Variants in MARCHF1 observed in about 807,000 individuals in gnomAD.
The protein encoded by MARCHF1 is E3 ubiquitin-protein ligase MARCHF1.
Under a neutral mutation model 54.2 loss-of-function variants are expected in MARCHF1, and 40 were observed. The ratio of observed to expected loss-of-function variants is 0.74; its 90% confidence interval spans 0.57 to 0.96. The LOEUF is 0.96. Ranked by LOEUF, MARCHF1 falls within the 40% of genes least tolerant of loss-of-function variation. The pLI is 0.00. For synonymous variants in MARCHF1, 236 were observed against 236.3 expected, an observed-to-expected ratio of 1.00 and a Z score of 0.01; for missense variants, 586 against 656.5, an observed-to-expected ratio of 0.89 and a Z score of 1.17.
intron 2 of MARCHF1, among the ~76,000 whole-genome samples, chr4:164,050,310 C>T (rs1754337016): frequency 7.5e-6 from 1 of 132,662 alleles, no homozygotes; most frequent in South Asian, 2.4e-4. Flanking sequence ...AAAAAAGGCC[C>T]TAGCTTTTAT....
chr4:164,197,431 T>C (rs1192354097), intron 1 of MARCHF1: 8 of 1,613,556 alleles, frequency 5.0e-6, no homozygotes, highest in Admixed American at 1.7e-5. Flanking sequence ...TTTAATTTTG[T>C]TGCCACTTAA....
intron 7 of MARCHF1, among the ~76,000 whole-genome samples, chr4:163,604,529 T>A (rs985482981): frequency 2.0e-5 from 3 of 152,172 alleles, no homozygotes; most frequent in Non-Finnish European, 4.4e-5. Context: ...TCTAATTGAT[T>A]TACTTTGTCT....
intron 3 of MARCHF1, among the ~76,000 whole-genome samples, chr4:163,914,561 G>A (rs1454805136): frequency 6.6e-6 from 1 of 151,414 alleles, no homozygotes; most frequent in Non-Finnish European, 1.5e-5. Flanking sequence ...CACAATAAAA[G>A]TAAAAGTGAT....
intron 7 of MARCHF1, 151 bp from the exon 8 acceptor site, chr4:163,586,080 C>T (rs897856254): frequency 3.1e-6 from 2 of 636,006 alleles, no homozygotes; most frequent in South Asian, 5.2e-5. Context: ...ATGCTAGAAC[C>T]AAATCTATGA....
intron 1 of MARCHF1, among the ~76,000 whole-genome samples, chr4:164,120,893 T>C (rs1305397351): frequency 6.6e-6 from 1 of 151,940 alleles, no homozygotes; most frequent in East Asian, 1.9e-4. Flanking sequence ...AAAAAAACTT[T>C]AAATAATCTA....
chr4:164,209,360 T>A (rs1218393700), intron 1 of MARCHF1, among the ~76,000 whole-genome samples: 1 of 152,184 alleles, frequency 6.6e-6, no homozygotes, highest in Non-Finnish European at 1.5e-5. Context: ...GGGAGGAGCA[T>A]GAGCTTCATC....
chr4:163,610,598 T>A (rs961684051), intron 7 of MARCHF1, among the ~76,000 whole-genome samples: 1 of 152,110 alleles, frequency 6.6e-6, no homozygotes, highest in Non-Finnish European at 1.5e-5. Context: ...AACAGATGGT[T>A]GCAAGTGGGA....
intron 5 of MARCHF1, chr4:163,613,742 A>T (rs1246531097): frequency 3.2e-6 from 1 of 312,742 alleles, no homozygotes; most frequent in Non-Finnish European, 4.6e-6. Context: ...TGATACATGG[A>T]CTAAAGCACT....
intron 4 of MARCHF1, among the ~76,000 whole-genome samples, chr4:163,705,232 C>A (rs1253779358): frequency 2.0e-5 from 3 of 151,424 alleles, no homozygotes; most frequent in Non-Finnish European, 4.4e-5. Context: ...ATTACGTATA[C>A]TATTATTGTC....
rs1730697322 is a variant in MARCHF1, at chr4:164,176,974, CTCTCT to C, written c.-322-65317_-322-65313del. On this transcript the variant is annotated intron_variant, in intron 1 of 9. Transcript: ENST00000514618. ...TCTCTCTCTCTCTCTCTCTCTCTCT[CTCTCT>C]CTATATATATATATATATATATATA... is the stretch of plus-strand genomic sequence containing the variant. 7.0e-4 allele frequency among the ~76,000 whole-genome samples: 21 copies of C among 29,974 alleles called. 2 individuals are homozygous for C. The highest frequency in any genetic ancestry group is 2.4e-3 in the African/African-American group (19 of 7,838). 19.7% of individuals were successfully genotyped at this position (29,974 alleles called of 152,430 possible).
intron 1 of MARCHF1, among the ~76,000 whole-genome samples, chr4:164,296,127 T>C (rs1734404327): frequency 6.6e-6 from 1 of 152,202 alleles, no homozygotes; most frequent in African/African-American, 2.4e-5. Context: ...AAAAAAAATT[T>C]ACCTTAACTT....
At position 163,913,709 on chromosome 4, in the gene MARCHF1, C is replaced by T. The variant is rs1042372282; in HGVS notation, c.-38-59540G>A. Among the ~76,000 whole-genome samples the T allele has an allele frequency of 6.6e-5, 10 of 152,206 alleles. 1 individual carries two copies. Among genetic ancestry groups the T allele is most frequent in the Admixed American group, 5.9e-4 (9 of 15,262 alleles). On this transcript the variant is annotated intron_variant, in intron 3 of 9. Transcript: ENST00000514618. ...GGATAGCCACTCTTGTTATCAAACA[C>T]ATGAAGCTGGCAAAACCCCAATCCT...
intron 1 of MARCHF1, among the ~76,000 whole-genome samples, chr4:164,177,948 A>G (rs1730734232): frequency 6.6e-6 from 1 of 152,128 alleles, no homozygotes; most frequent in South Asian, 2.1e-4. Flanking sequence ...CAGTAATTCC[A>G]CCATCATGAA....
chr4:164,241,327 A>T (rs1732740332), intron 1 of MARCHF1, among the ~76,000 whole-genome samples: 1 of 152,174 alleles, frequency 6.6e-6, no homozygotes, highest in African/African-American at 2.4e-5. Context: ...CCTTCCACTC[A>T]GCTGCCCTGC....
At chr4:164,203,516 T>C (rs1262974254) in intron 1 of MARCHF1, among the ~76,000 whole-genome samples, 1 of 152,128 alleles carries the variant, frequency 6.6e-6, no homozygotes, top group Non-Finnish European at 1.5e-5. Flanking sequence ...ATTGCAGTCT[T>C]GAAATGATTG....
intron 8 of MARCHF1, among the ~76,000 whole-genome samples, chr4:163,578,797 T>C (rs1213875893): frequency 6.6e-6 from 1 of 152,126 alleles, no homozygotes; most frequent in African/African-American, 2.4e-5. Flanking sequence ...GACTATATGC[T>C]CCCCAAGGGT....
At chr4:164,022,739 T>A (rs1344104322) in intron 2 of MARCHF1, among the ~76,000 whole-genome samples, 1 of 152,168 alleles carries the variant, frequency 6.6e-6, no homozygotes, top group Non-Finnish European at 1.5e-5. Flanking sequence ...CGTCCAAGTA[T>A]CTCTAGTCCC....
At chr4:164,346,970 C>T (rs1259234482) in intron 1 of MARCHF1, among the ~76,000 whole-genome samples, 1 of 151,898 alleles carries the variant, frequency 6.6e-6, no homozygotes, top group Non-Finnish European at 1.5e-5. Context: ...TTTTAAGACT[C>T]ATATTTCCAG....
chr4:164,118,616 ATC>A (rs2110762077), intron 1 of MARCHF1, among the ~76,000 whole-genome samples: 1 of 151,784 alleles, frequency 6.6e-6, no homozygotes, highest in African/African-American at 2.4e-5. Flanking sequence ...AGTTTAATAT[ATC>A]TTTTTTCACA....
Sources: gnomAD v4.1 joint callset for allele counts (sites outside exome capture counted in the v4.1 genomes callset) on GRCh38, gnomAD v4.1.1 for gene constraint, MANE v1.5 for transcripts, NCBI Gene and HGNC (gene_info 2026-07-23, HGNC 2026-07-21) for gene names.